The following CCDC83 variants were observed in gnomAD, a reference collection of about 807,000 sequenced individuals.
CCDC83 encodes the protein coiled-coil domain containing 83, also known as coiled-coil domain-containing protein 83.
CCDC83 carries 54 observed loss-of-function variants against 50.1 expected under a neutral mutation model. The observed-to-expected ratio is 1.08, with a 90% CI of 0.87 to 1.35. CCDC83 has a LOEUF of 1.35. Among genes scored for constraint, CCDC83 ranks in the 40% most tolerant of loss-of-function variants. The probability of loss-of-function intolerance (pLI) is 0.00; values close to 1 mark genes in which losing one functional copy is unlikely to be tolerated. For missense variants in CCDC83, 518 were observed against 473.9 expected (o/e 1.09, Z -0.86); for synonymous variants, 161 against 153.3 (o/e 1.05, Z -0.37).
chr11:85,876,724 C>T (rs2093271534), intron 3 of CCDC83, among the ~76,000 whole-genome samples: 1 of 152,190 alleles, frequency 6.6e-6, no homozygotes, highest in Admixed American at 6.5e-5. Context: ...AGGCTGGTCT[C>T]AAACTCTTGA....
At chr11:85,918,762 G>A (rs1301246679) in intron 10 of CCDC83, among the ~76,000 whole-genome samples, 1 of 152,184 alleles carries the variant, frequency 6.6e-6, no homozygotes, top group African/African-American at 2.4e-5. Context: ...TGGGCTGGAG[G>A]GGAAAGCAGG....
intron 7 of CCDC83, among the ~76,000 whole-genome samples, chr11:85,902,361 A>T (rs2093406257): frequency 6.6e-6 from 1 of 152,240 alleles, no homozygotes; most frequent in Non-Finnish European, 1.5e-5. Context: ...TGTTTTCTCA[A>T]GAATTTACTT....
chr11:85,867,412 C>G (rs76663264), intron 2 of CCDC83, among the ~76,000 whole-genome samples: 21,408 of 152,130 alleles, frequency 0.14, 1,820 homozygotes, highest in Middle Eastern at 0.2. Context: ...TTGTCCTTAA[C>G]AACATTCAGG....
intron 10 of CCDC83, among the ~76,000 whole-genome samples, chr11:85,918,339 G>T (rs1357594209): frequency 2.6e-5 from 4 of 152,156 alleles, no homozygotes; most frequent in Non-Finnish European, 4.4e-5. Flanking sequence ...CTGTGTCCCT[G>T]ATCAGTCTGT....
intron 3 of CCDC83, among the ~76,000 whole-genome samples, chr11:85,875,538 A>G (rs75334800): frequency 0.14 from 21,248 of 152,212 alleles, 1,806 homozygotes; most frequent in Middle Eastern, 0.19. Context: ...CATTCCCCCA[A>G]CCTAAGTTGG....
At chr11:85,897,041 C>A (rs995475353) in intron 6 of CCDC83, among the ~76,000 whole-genome samples, 1 of 152,204 alleles carries the variant, frequency 6.6e-6, no homozygotes, top group Admixed American at 6.5e-5. Context: ...TTTGTTTGCT[C>A]ATGCAATTCA....
At position 85,917,128 on chromosome 11, in the gene CCDC83, AAAAG is replaced by A. The variant is rs1187017927; in HGVS notation, c.1080+901_1080+904del. Reference sequence around the variant, plus strand: ...TCTGAAAAGAAAGAAAGAAAAAAGAAAAAGAAAGAGAGAGAGAGAGAGAGAGAGA... The same window carrying A: ...TCTGAAAAGAAAGAAAGAAAAAAGAAAAAGAGAGAGAGAGAGAGAGAGAGA... On this transcript the variant is annotated intron_variant, in intron 10 of 10. Transcript: ENST00000342404. Among the ~76,000 whole-genome samples, 147 of 99,968 alleles carry A rather than the reference AAAAG, an allele frequency of 1.5e-3. 1 individual carries two copies. Among genetic ancestry groups the A allele is most frequent in the Middle Eastern group, 4.0e-3 (1 of 248 alleles). The allele number at this position is 99,968 out of a possible 152,430, so 65.6% of individuals were successfully genotyped here. A position where few individuals can be genotyped will look rare whatever the true frequency, so the allele number is the denominator to read the frequency against.
In CCDC83 at chr11:85,871,934, C is replaced by T. The variant is rs142954877; in HGVS notation, c.96-1277C>T. Among the ~76,000 whole-genome samples the T allele has an allele frequency of 3.2e-4, 49 of 152,270 alleles. No individual in the cohort carries two copies. In the East Asian group the frequency reaches 6.4e-3, roughly 20 times the overall value. ...TTAGGTTATAGTGATACAAGATATA[C>T]TATAAAGTTTTAAAAATTATTTTAT... On this transcript the variant is annotated intron_variant, in intron 2 of 10. Coordinates refer to ENST00000342404, the MANE Select transcript of CCDC83 (RefSeq NM_001286159.2).
rs761523101 is a variant in CCDC83, at chr11:85,882,525, AAAG to A, written c.199_201del (p.Glu67del). On this transcript the variant is annotated inframe_deletion, in exon 4 of 11. Transcript: ENST00000342404. ...ATTTTCATGACAGAATAGCCGCTTA[AAAG>A]AAGAACAGATTTGGCACATACGGCA... The A allele has an allele frequency of 2.1e-4, 334 of 1,613,564 alleles. No individual in the cohort carries two copies. Among genetic ancestry groups the A allele is most frequent in the Non-Finnish European group, 2.7e-4 (322 of 1,179,786 alleles).
At chr11:85,912,556 T>G in intron 8 of CCDC83, 3 of 763,928 alleles carry the variant, frequency 3.9e-6, no homozygotes, top group Non-Finnish European at 2.4e-6. Context: ...TCCAGTCTCT[T>G]GAGCTGATGC....
chr11:85,892,393 A>G (rs1165074401), intron 5 of CCDC83, among the ~76,000 whole-genome samples: 1 of 152,224 alleles, frequency 6.6e-6, no homozygotes, highest in Non-Finnish European at 1.5e-5. Context: ...CATCTGAATC[A>G]CAGAGGCTAA....
rs759623278 is a variant in CCDC83 at position 85,919,677 on chromosome 11, C to T, written c.*167C>T. On this transcript the variant is annotated 3_prime_UTR_variant, in exon 11 of 11. Coordinates refer to ENST00000342404, the MANE Select transcript of CCDC83 (RefSeq NM_001286159.2). ...TCAAAGGTATTCAGCTATTCATTTA[C>T]TTGCATGGTATGAGTGACCAAAACG... is the stretch of plus-strand genomic sequence containing the variant. 3.6e-5 allele frequency: 22 copies of T among 604,210 alleles called. No individual in the cohort carries two copies. The highest frequency in any genetic ancestry group is 5.7e-5 in the Non-Finnish European group (20 of 349,930). 37.4% of individuals were successfully genotyped at this position (604,210 alleles called of 1,614,324 possible).
At chr11:85,857,040 C>A (rs1429679845) in intron 1 of CCDC83, among the ~76,000 whole-genome samples, 2 of 152,184 alleles carry the variant, frequency 1.3e-5, no homozygotes, top group African/African-American at 4.8e-5. Context: ...GTCCCCAGAT[C>A]GAGGCTTGGG....
At position 85,916,032 on chromosome 11, in the gene CCDC83, G is replaced by C; in HGVS notation, c.879G>C (p.Glu293Asp). 6.3e-7 allele frequency: 1 copy of C among 1,599,516 alleles called. No homozygotes were observed. The change falls in exon 10 of 11, where the codon GAG (glutamate) becomes GAC (aspartate). Residue 293 changes from glutamate to aspartate, a missense_variant. Coordinates refer to ENST00000342404, the MANE Select transcript of CCDC83 (RefSeq NM_001286159.2). ...ATTCCTTTGTATTTATCCAAGAAGA[G>C]AAGTCAGAATTGCAACCCACAGAAG... ...SLELPETHIE[E>D]KSELQPTEVE... is the part of the protein sequence containing the mutation.
intron 7 of CCDC83, among the ~76,000 whole-genome samples, chr11:85,910,601 C>T (rs945151265): frequency 1.3e-5 from 2 of 152,138 alleles, no homozygotes; most frequent in Non-Finnish European, 2.9e-5. Flanking sequence ...ACTAATATGC[C>T]CTATTGCTAA....
At position 85,895,328 on chromosome 11, in the gene CCDC83, A is replaced by C. The variant is rs746571381; in HGVS notation, c.547A>C (p.Lys183Gln). ...AATCACTCTGGAAGATACTAGAAAGAAAATAATCAAGGAAACTTTGTTGCA... is the reference window on the plus strand; with the variant it reads ...AATCACTCTGGAAGATACTAGAAAGCAAATAATCAAGGAAACTTTGTTGCA... ...YKITLEDTRK[K>Q]IIKETLLQLD... Residue 183 changes from lysine to glutamine, a missense_variant, in exon 6 of 11, where the codon AAA (lysine) becomes CAA (glutamine). By Grantham distance (53) the Lys-to-Gln change is moderately conservative. Coordinates refer to ENST00000342404, the MANE Select transcript of CCDC83 (RefSeq NM_001286159.2). 25 of 1,568,966 alleles carry C rather than the reference A, an allele frequency of 1.6e-5. No homozygotes were observed. Among genetic ancestry groups the C allele is most frequent in the Non-Finnish European group, 2.1e-5 (24 of 1,147,216 alleles).
intron 1 of CCDC83, among the ~76,000 whole-genome samples, chr11:85,856,946 G>A (rs11234447): frequency 6.6e-6 from 1 of 152,136 alleles, no homozygotes; most frequent in African/African-American, 2.4e-5. Context: ...TTAAACATGT[G>A]TTCTGTGCAA....
intron 1 of CCDC83, among the ~76,000 whole-genome samples, chr11:85,859,108 T>A (rs1566065654): frequency 8.1e-6 from 1 of 123,310 alleles, no homozygotes; most frequent in Admixed American, 8.9e-5. Context: ...ATGTTTATGT[T>A]AAAAAAAAAT....
At chr11:85,871,722 T>C (rs995838363) in intron 2 of CCDC83, among the ~76,000 whole-genome samples, 1 of 152,326 alleles carries the variant, frequency 6.6e-6, no homozygotes, top group South Asian at 2.1e-4. Flanking sequence ...CCTGAGATCA[T>C]GTAGACAAGA....
Sources: allele counts gnomAD v4.1 joint callset (sites outside exome capture counted in the v4.1 genomes callset), GRCh38; gene constraint gnomAD v4.1.1; transcripts MANE v1.5; gene names NCBI Gene and HGNC (gene_info 2026-07-23, HGNC 2026-07-21).